PRKAG2: variants seen among roughly 807,000 people sequenced by gnomAD.
PRKAG2 encodes the protein 5'-AMP-activated protein kinase subunit gamma-2.
In PRKAG2, 26 loss-of-function variants were observed where a neutral mutation model predicts 69.6. The ratio of observed to expected loss-of-function variants is 0.37; its 90% CI spans 0.27 to 0.52. The LOEUF (loss-of-function observed/expected upper bound fraction) is 0.52. PRKAG2 is among the 20% of genes least tolerant of loss of function. PRKAG2 has a pLI of 0.90. For missense variants in PRKAG2, 557 were observed against 740.0 expected (o/e 0.75, Z 2.87); for synonymous variants, 293 against 285.0 (o/e 1.03, Z -0.28).
chr7:151,734,546 C>A (rs908920931), intron 3 of PRKAG2, among the ~76,000 whole-genome samples: 2 of 152,106 alleles, frequency 1.3e-5, no homozygotes, highest in Non-Finnish European at 2.9e-5. Context: ...GCTGGCAATG[C>A]GCTGACTCTG....
intron 1 of PRKAG2, among the ~76,000 whole-genome samples, chr7:151,832,190 T>C (rs938970445): frequency 7.1e-6 from 1 of 140,446 alleles, no homozygotes; most frequent in African/African-American, 2.7e-5. Context: ...GGGTGGACAC[T>C]AGTGACTGAT....
intron 1 of PRKAG2, among the ~76,000 whole-genome samples, chr7:151,874,551 TGTATAAGCCATACATTTATAG>T (rs2080342090): frequency 6.6e-6 from 1 of 151,148 alleles, no homozygotes; most frequent in South Asian, 2.1e-4. Flanking sequence ...TATATGTATA[TGTATAAGCCATACATTTATAG>T]GACACTTTAC....
At chr7:151,752,579 A>T (rs76409971) in intron 3 of PRKAG2, among the ~76,000 whole-genome samples, 2,431 of 152,304 alleles carry the variant, frequency 0.016, 68 homozygotes, top group African/African-American at 0.055. Context: ...AAAATTTTTT[A>T]AAATATTTGA....
intron 6 of PRKAG2, among the ~76,000 whole-genome samples, chr7:151,580,929 C>A (rs1006817855): frequency 1.3e-5 from 2 of 152,088 alleles, no homozygotes; most frequent in South Asian, 2.1e-4. Flanking sequence ...ATTTATTGTA[C>A]ATTTAAAAAT....
chr7:151,587,591 C>G (rs1811997242), intron 6 of PRKAG2, among the ~76,000 whole-genome samples: 1 of 152,126 alleles, frequency 6.6e-6, no homozygotes, highest in Non-Finnish European at 1.5e-5. Context: ...GGCACTTTAC[C>G]TCTCTCTGGT....
intron 3 of PRKAG2, among the ~76,000 whole-genome samples, chr7:151,723,870 T>C (rs963355858): frequency 2.6e-5 from 4 of 152,144 alleles, no homozygotes; most frequent in African/African-American, 9.7e-5. Context: ...TGGGCCACCT[T>C]TGGGTCCATG....
At chr7:151,593,501 G>A (rs555487821) in intron 6 of PRKAG2, among the ~76,000 whole-genome samples, 163 of 152,226 alleles carry the variant, frequency 1.1e-3, no homozygotes, top group African/African-American at 3.7e-3. Context: ...GCCTACTGTC[G>A]CTTATTTTTA....
chr7:151,806,681 G>A (rs1266893154), intron 1 of PRKAG2: 1 of 203,800 alleles, frequency 4.9e-6, no homozygotes. Context: ...AAATATGCCA[G>A]AGCTGGCTGG....
chr7:151,666,399 T>G (rs1311077098), intron 4 of PRKAG2, among the ~76,000 whole-genome samples: 2 of 152,206 alleles, frequency 1.3e-5, no homozygotes, highest in African/African-American at 4.8e-5. Flanking sequence ...CAGGAGAAAC[T>G]GAACCTGCCA....
intron 4 of PRKAG2, chr7:151,675,066 G>A (rs1412468857): frequency 5.6e-6 from 2 of 357,350 alleles, no homozygotes; most frequent in Admixed American, 3.8e-5. Context: ...GGATACAGGT[G>A]CACGCCACCA....
chr7:151,786,599 A>T, intron 1 of PRKAG2, 58 bp from the exon 2 acceptor site: 1 of 1,413,904 alleles, frequency 7.1e-7, no homozygotes, highest in South Asian at 1.2e-5. Context: ...CAGGGGCTGC[A>T]TGGAACTCTA....
intron 3 of PRKAG2, among the ~76,000 whole-genome samples, chr7:151,776,374 T>C (rs963891021): frequency 2.0e-5 from 3 of 152,096 alleles, no homozygotes; most frequent in Admixed American, 6.5e-5. Context: ...GCCTTCTCCA[T>C]AGTACCTGAC....
At chr7:151,717,252 G>GAA (rs79756428) in intron 3 of PRKAG2, among the ~76,000 whole-genome samples, 6 of 94,114 alleles carry the variant, frequency 6.4e-5, no homozygotes, top group Non-Finnish European at 9.6e-5. Flanking sequence ...ATGTCAAAAA[G>GAA]AAAAAAAAAA....
chr7:151,598,092 G>C (rs540609424), intron 5 of PRKAG2, among the ~76,000 whole-genome samples: 49 of 152,196 alleles, frequency 3.2e-4, no homozygotes, highest in Non-Finnish European at 1.3e-4. Context: ...ATAAAGAAAC[G>C]TGGTACCTAT....
intron 3 of PRKAG2, among the ~76,000 whole-genome samples, chr7:151,697,218 C>A (rs10269404): frequency 6.6e-6 from 1 of 151,852 alleles, no homozygotes; most frequent in Admixed American, 6.6e-5. Flanking sequence ...AGCTGCACAC[C>A]CTGGGGTGGT....
rs1301001748 is a variant in PRKAG2 at position 151,779,262 on chromosome 7, CA to C, written c.466+1889del. Among the ~76,000 whole-genome samples the C allele has an allele frequency of 2.6e-5, 4 of 152,330 alleles. No homozygotes were observed. In the East Asian group the frequency reaches 5.8e-4, roughly 22 times the overall value. ...TCCCAGGCTGAACAGTGGACAGCAC[CA>C]AACCTCCCACCAAATGCTGTACTGA... On this transcript the variant is annotated intron_variant, in intron 3 of 15. Transcript: ENST00000287878.
At chr7:151,606,039 T>C (rs1414617466) in intron 5 of PRKAG2, among the ~76,000 whole-genome samples, 3 of 151,758 alleles carry the variant, frequency 2.0e-5, no homozygotes, top group African/African-American at 7.3e-5. Context: ...AGAATGGTAC[T>C]CTGCCTCAAA....
At chr7:151,562,465 TTAATAA>T (rs137999193) in intron 14 of PRKAG2, among the ~76,000 whole-genome samples, 1 of 149,510 alleles carries the variant, frequency 6.7e-6, no homozygotes, top group Non-Finnish European at 1.5e-5. Flanking sequence ...TTGCTTTAGG[TTAATAA>T]TAATAATAAT....
rs111991701 is a variant in PRKAG2 at position 151,638,632 on chromosome 7, C to CA, written c.685-6495dup. On this transcript the variant is annotated intron_variant, in intron 4 of 15. Coordinates refer to ENST00000287878, the MANE Select transcript of PRKAG2 (RefSeq NM_016203.4). This position sits in a 1 kb window ranked among gnomAD's most constrained non-coding sequence, Gnocchi z 4.3. ...TTGGCGACAGAGTGAGACTCTGTCTCAAAAAAAAAAGCTAAATTATTAAGT... is the reference window on the plus strand; with the variant it reads ...TTGGCGACAGAGTGAGACTCTGTCTCAAAAAAAAAAAGCTAAATTATTAAGT... Among the ~76,000 whole-genome samples, 2,147 of 141,994 alleles carry CA rather than the reference C, an allele frequency of 0.015. 35 individuals are homozygous for CA. The highest frequency in any genetic ancestry group is 0.051 in the African/African-American group (1,964 of 38,758). The allele number at this position is 141,994 out of a possible 152,430, so 93.2% of individuals were successfully genotyped here. A position where few individuals can be genotyped will look rare whatever the true frequency, so the allele number is the denominator to read the frequency against.
Sources: gnomAD v4.1 joint callset for allele counts (sites outside exome capture counted in the v4.1 genomes callset) on GRCh38, gnomAD v4.1.1 for gene constraint, Gnocchi (gnomAD v3.1) non-coding constraint, MANE v1.5 for transcripts, NCBI Gene and HGNC (gene_info 2026-07-23, HGNC 2026-07-21) for gene names.